SLCO1A2: variants seen among roughly 807,000 people sequenced by gnomAD.
SLCO1A2 encodes the protein OATP-1.
Under a neutral mutation model 69.0 loss-of-function variants are expected in SLCO1A2, and 67 were observed. The observed-to-expected ratio is 0.97, with a 90% CI of 0.80 to 1.19. SLCO1A2 has a LOEUF of 1.19. SLCO1A2 is among the 50% of genes most tolerant of loss of function. The pLI, the probability that SLCO1A2 is intolerant of heterozygous loss-of-function variation, is 0.00. For synonymous variants in SLCO1A2, 260 were observed against 265.9 expected, an observed-to-expected ratio of 0.98 and a Z score of 0.22; for missense variants, 787 against 793.7, an observed-to-expected ratio of 0.99 and a Z score of 0.10.
At chr12:21,331,643 G>T (rs575234737) in intron 2 of SLCO1A2, among the ~76,000 whole-genome samples, 5 of 151,628 alleles carry the variant, frequency 3.3e-5, no homozygotes, top group Non-Finnish European at 5.9e-5. Flanking sequence ...ACCCAACTCA[G>T]CTACTTATCT....
At chr12:21,409,769 G>A (rs111967134) in intron 1 of SLCO1A2, among the ~76,000 whole-genome samples, 4 of 152,166 alleles carry the variant, frequency 2.6e-5, no homozygotes, top group African/African-American at 4.8e-5. Context: ...TATTTGAGCT[G>A]TATGGTACAC....
At chr12:21,387,672 C>A (rs943617044) in intron 1 of SLCO1A2, among the ~76,000 whole-genome samples, 10 of 152,198 alleles carry the variant, frequency 6.6e-5, no homozygotes, top group African/African-American at 2.4e-4. Flanking sequence ...CCTCATGGAC[C>A]CCTGCTAGCG....
chr12:21,378,154 A>G (rs1458665146), intron 1 of SLCO1A2: 1 of 1,252,426 alleles, frequency 8.0e-7, no homozygotes, highest in Admixed American at 1.9e-5. Flanking sequence ...GGTTTTCATC[A>G]ATACAAGATA....
At chr12:21,301,733 A>G (rs1348397898) in intron 6 of SLCO1A2, among the ~76,000 whole-genome samples, 2 of 152,170 alleles carry the variant, frequency 1.3e-5, no homozygotes, top group African/African-American at 2.4e-5. Flanking sequence ...CTATGTCCTC[A>G]TTATTATTAT....
intron 5 of SLCO1A2, among the ~76,000 whole-genome samples, chr12:21,306,145 G>C (rs1047900927): frequency 6.6e-6 from 1 of 152,144 alleles, no homozygotes; most frequent in African/African-American, 2.4e-5. Flanking sequence ...GAACTATAGC[G>C]TACTTGCCTG....
chr12:21,345,572 A>AT (rs1953226145), intron 2 of SLCO1A2, among the ~76,000 whole-genome samples: 1 of 152,142 alleles, frequency 6.6e-6, no homozygotes, highest in East Asian at 1.9e-4. Flanking sequence ...ATTATAATTG[A>AT]TTTTAAATTG....
At chr12:21,304,952 T>G (rs909494627) in intron 5 of SLCO1A2, among the ~76,000 whole-genome samples, 1 of 152,208 alleles carries the variant, frequency 6.6e-6, no homozygotes, top group African/African-American at 2.4e-5. Flanking sequence ...CTCATTCAGC[T>G]GCTACAAGTG....
chr12:21,394,770 T>A (rs2137167483), intron 1 of SLCO1A2: 1 of 152,234 alleles, frequency 6.6e-6, no homozygotes, highest in African/African-American at 2.4e-5. Flanking sequence ...TAACAGTTTT[T>A]TTCTTCAGAT....
chr12:21,405,560 G>A (rs1347342904), intron 1 of SLCO1A2, among the ~76,000 whole-genome samples: 2 of 152,084 alleles, frequency 1.3e-5, no homozygotes, highest in Non-Finnish European at 2.9e-5. Context: ...AAAACAGCAT[G>A]GTACTGGTAC....
intron 1 of SLCO1A2, among the ~76,000 whole-genome samples, chr12:21,401,145 T>A (rs998227120): frequency 6.6e-6 from 1 of 151,340 alleles, no homozygotes; most frequent in Non-Finnish European, 1.5e-5. Context: ...AATGAGAAAA[T>A]GAAAATAATA....
chr12:21,336,739 A>G (rs1408573282), upstream of SLCO1A2, among the ~76,000 whole-genome samples: 1 of 151,976 alleles, frequency 6.6e-6, no homozygotes, highest in Non-Finnish European at 1.5e-5. Context: ...AAATCAGGAA[A>G]TTCCGTGTGC....
intron 2 of SLCO1A2, among the ~76,000 whole-genome samples, chr12:21,361,885 T>C (rs533589092): frequency 2.8e-4 from 43 of 152,224 alleles, no homozygotes; most frequent in African/African-American, 9.1e-4. Context: ...CCAAGAAATA[T>C]GGGACTATGT....
chr12:21,403,067 A>T (rs761721418), intron 1 of SLCO1A2, among the ~76,000 whole-genome samples: 12 of 152,146 alleles, frequency 7.9e-5, no homozygotes, highest in African/African-American at 1.2e-4. Context: ...GAAGAACTGG[A>T]TAAACAAAAA....
chr12:21,323,442 G>A (rs1951890009), intron 2 of SLCO1A2, among the ~76,000 whole-genome samples: 1 of 152,066 alleles, frequency 6.6e-6, no homozygotes, highest in Admixed American at 6.5e-5. Context: ...GTGCATGCCT[G>A]TAGTGCCAGC....
Position 21,269,046 on chromosome 12 carries a change from G to GAGTT in SLCO1A2, c.*498_*501dup, listed in dbSNP as rs1942357729. 1 of 152,298 alleles carries GAGTT rather than the reference G, an allele frequency of 6.6e-6. No homozygotes were observed. The highest frequency in any genetic ancestry group is 6.6e-5 in the Admixed American group (1 of 15,218). The allele number at this position is 152,298 out of a possible 1,614,324, so 9.4% of individuals were successfully genotyped here. On this transcript the variant is annotated 3_prime_UTR_variant, in exon 15 of 15. Coordinates refer to ENST00000683939, the MANE Select transcript of SLCO1A2 (RefSeq NM_001386879.1). The stretch of plus-strand genomic sequence containing the variant: ...GAGTCATGCCTAGAATGAATAAGAA[G>GAGTT]AGTTAAAGAACGATTCCTAAATAGA...
At chr12:21,371,654 T>C (rs2137086493) in intron 2 of SLCO1A2, among the ~76,000 whole-genome samples, 1 of 152,332 alleles carries the variant, frequency 6.6e-6, no homozygotes, top group Middle Eastern at 3.4e-3. Flanking sequence ...TTATTTGCTT[T>C]ACATGACACT....
At chr12:21,396,776 T>C (rs1941479612), upstream of SLCO1A2, among the ~76,000 whole-genome samples, 1 of 151,972 alleles carries the variant, frequency 6.6e-6, no homozygotes, top group African/African-American at 2.4e-5. Flanking sequence ...CAAACTAAGC[T>C]TCATAAGTGA....
intron 2 of SLCO1A2, among the ~76,000 whole-genome samples, chr12:21,330,386 T>A (rs557875799): frequency 6.6e-6 from 1 of 152,086 alleles, no homozygotes; most frequent in African/African-American, 2.4e-5. Flanking sequence ...TGGTGCACAC[T>A]TGTAGTTCCA....
intron 3 of SLCO1A2, among the ~76,000 whole-genome samples, chr12:21,317,450 C>T (rs1474589706): frequency 1.3e-5 from 2 of 152,188 alleles, no homozygotes; most frequent in African/African-American, 4.8e-5. Flanking sequence ...TAGCTATCCT[C>T]CGAGAGTCTG....
Sources: allele counts gnomAD v4.1 joint callset (sites outside exome capture counted in the v4.1 genomes callset), GRCh38; gene constraint gnomAD v4.1.1; transcripts MANE v1.5; gene names NCBI Gene and HGNC (gene_info 2026-07-23, HGNC 2026-07-21).